SHISA9: variants seen among roughly 807,000 people sequenced by gnomAD.
SHISA9 encodes the protein shisa family member 9.
A neutral mutation model predicts 38.0 loss-of-function variants in SHISA9; 13 were observed. The ratio of observed to expected loss-of-function variants is 0.34; its 90% CI spans 0.22 to 0.54. The LOEUF is 0.54. Among genes scored for constraint, SHISA9 ranks in the 20% least tolerant of loss-of-function variants. The probability of loss-of-function intolerance (pLI) is 0.91; values close to 1 mark genes in which losing one functional copy is unlikely to be tolerated. For synonymous variants in SHISA9, 275 were observed against 242.0 expected, an observed-to-expected ratio of 1.14 and a Z score of -1.27; for missense variants, 538 against 575.8, an observed-to-expected ratio of 0.93 and a Z score of 0.67.
At chr16:13,403,256 G>A in the SHISA9 span, among the ~76,000 whole-genome samples, 1 of 152,204 alleles carries the variant, frequency 6.6e-6, no homozygotes, top group African/African-American at 2.4e-5. Context: ...CCTGCCCTAT[G>A]TCTATTTCCT....
At chr16:13,147,305 G>A (rs183913333) in intron 2 of SHISA9, among the ~76,000 whole-genome samples, 4 of 152,146 alleles carry the variant, frequency 2.6e-5, no homozygotes, top group African/African-American at 9.6e-5. Flanking sequence ...TGACTGGAGC[G>A]GGAAAGAGTT....
the SHISA9 span, among the ~76,000 whole-genome samples, chr16:13,472,376 A>ATTTTTTTTTT: frequency 2.6e-5 from 3 of 113,436 alleles, no homozygotes; most frequent in African/African-American, 1.1e-4. Context: ...CGCTCTGCTA[A>ATTTTTTTTTT]ATTTTTTTTT....
intron 2 of SHISA9, among the ~76,000 whole-genome samples, chr16:12,988,287 G>A (rs1232581605): frequency 6.6e-6 from 1 of 152,170 alleles, no homozygotes; most frequent in Non-Finnish European, 1.5e-5. Context: ...TTGACTTGAA[G>A]CTTACTCACC....
At chr16:13,521,628 T>G in the SHISA9 span, among the ~76,000 whole-genome samples, 1 of 152,158 alleles carries the variant, frequency 6.6e-6, no homozygotes, top group Non-Finnish European at 1.5e-5. Flanking sequence ...TTAGAGTGGG[T>G]TTTTAAAAGT....
At chr16:13,220,652 G>A (rs567767167) in intron 4 of SHISA9, among the ~76,000 whole-genome samples, 1 of 152,214 alleles carries the variant, frequency 6.6e-6, no homozygotes, top group Non-Finnish European at 1.5e-5. Flanking sequence ...GACAGACCAT[G>A]CAATGAATTT....
the SHISA9 span, among the ~76,000 whole-genome samples, chr16:13,262,120 A>G: frequency 6.6e-6 from 1 of 152,240 alleles, no homozygotes. Context: ...GGAAACCAAC[A>G]TCTCCACTAT....
intron 2 of SHISA9, among the ~76,000 whole-genome samples, chr16:12,941,873 A>G (rs1214325592): frequency 6.6e-6 from 1 of 152,168 alleles, no homozygotes; most frequent in Non-Finnish European, 1.5e-5. Flanking sequence ...TAAACAAATA[A>G]GTCATTTTGA....
chr16:13,018,930 G>A (rs2072788799), intron 2 of SHISA9, among the ~76,000 whole-genome samples: 1 of 152,210 alleles, frequency 6.6e-6, no homozygotes, highest in Non-Finnish European at 1.5e-5. Context: ...CTCAGCCCAT[G>A]CATTACTTTG....
At chr16:12,920,426 T>G (rs567621218) in intron 2 of SHISA9, among the ~76,000 whole-genome samples, 1 of 152,350 alleles carries the variant, frequency 6.6e-6, no homozygotes, top group Non-Finnish European at 1.5e-5. Flanking sequence ...ACCTACTGTT[T>G]GATAGCACAA....
At chr16:13,158,187 T>C (rs1047781365) in intron 2 of SHISA9, among the ~76,000 whole-genome samples, 21 of 152,320 alleles carry the variant, frequency 1.4e-4, no homozygotes, top group African/African-American at 5.1e-4. Context: ...CAGAGCAGTG[T>C]AGCCATAATG....
the SHISA9 span, among the ~76,000 whole-genome samples, chr16:13,301,011 C>G: frequency 3.9e-5 from 6 of 152,144 alleles, no homozygotes; most frequent in East Asian, 3.9e-4. Context: ...TTGACTCCTT[C>G]TCTTTTCTAT....
chr16:13,416,454 C>G, the SHISA9 span, among the ~76,000 whole-genome samples: 1 of 152,260 alleles, frequency 6.6e-6, no homozygotes, highest in Non-Finnish European at 1.5e-5. Context: ...GTCATTTTAA[C>G]CATCATATGA....
At chr16:13,305,647 G>A in the SHISA9 span, among the ~76,000 whole-genome samples, 1 of 152,134 alleles carries the variant, frequency 6.6e-6, no homozygotes, top group East Asian at 1.9e-4. Flanking sequence ...AGCTGCCACA[G>A]GCATTAACCT....
the SHISA9 span, among the ~76,000 whole-genome samples, chr16:13,287,385 G>A: frequency 3.3e-5 from 5 of 152,132 alleles, no homozygotes; most frequent in Non-Finnish European, 5.9e-5. Flanking sequence ...TATCTGAGTG[G>A]CTAACATGAT....
intron 2 of SHISA9, among the ~76,000 whole-genome samples, chr16:13,156,037 G>T (rs1189643976): frequency 6.6e-6 from 1 of 152,204 alleles, no homozygotes; most frequent in Non-Finnish European, 1.5e-5. Context: ...AACGCAAGCT[G>T]GGTGTCTGCT....
chr16:13,358,304 C>G, the SHISA9 span, among the ~76,000 whole-genome samples: 1 of 152,058 alleles, frequency 6.6e-6, no homozygotes, highest in African/African-American at 2.4e-5. Flanking sequence ...GAGTGAGATA[C>G]CTGTATTCAA....
intron 2 of SHISA9, among the ~76,000 whole-genome samples, chr16:13,035,379 C>T (rs1480555471): frequency 6.6e-6 from 1 of 152,148 alleles, no homozygotes; most frequent in Non-Finnish European, 1.5e-5. Flanking sequence ...TTCACTCTAT[C>T]AATCTTCCTA....
the SHISA9 span, among the ~76,000 whole-genome samples, chr16:13,350,936 C>T: frequency 6.6e-6 from 1 of 152,138 alleles, no homozygotes; most frequent in Non-Finnish European, 1.5e-5. Context: ...GAACATGAAG[C>T]CCGCAATATT....
intron 1 of SHISA9, chr16:12,908,570 T>C (rs1389627433): frequency 6.4e-7 from 1 of 1,551,812 alleles, no homozygotes; most frequent in Admixed American, 2.0e-5. Flanking sequence ...ACTTCAAACC[T>C]GGACAGTCTG....
Sources: allele counts gnomAD v4.1 joint callset (sites outside exome capture counted in the v4.1 genomes callset), GRCh38; gene constraint gnomAD v4.1.1; transcripts MANE v1.5; gene names NCBI Gene and HGNC (gene_info 2026-07-23, HGNC 2026-07-21).